KIF14: variants seen among roughly 807,000 people sequenced by gnomAD.
KIF14 encodes kinesin-like protein KIF14.
A neutral mutation model predicts 176.2 loss-of-function variants in KIF14; 98 were observed. That is an observed-to-expected ratio of 0.56 (90% CI 0.47 to 0.66). The LOEUF (loss-of-function observed/expected upper bound fraction) is 0.66, where lower values mean the gene tolerates loss of function less well. KIF14 is among the 30% of genes least tolerant of loss of function. The pLI, the probability that KIF14 is intolerant of heterozygous loss-of-function variation, is 0.00. For missense variants in KIF14, 1,751 were observed against 1,920.4 expected, an observed-to-expected ratio of 0.91 and a Z score of 1.65; for synonymous variants, 566 against 632.2, an observed-to-expected ratio of 0.90 and a Z score of 1.57.
At position 200,618,080 on chromosome 1, in the gene KIF14, G is replaced by T; in HGVS notation, c.644C>A (p.Ser215Ter). ...GGAAGCAATGGGTGGTCTATTACTTGAGTACTTAAGTGCAACATTTTCATT... is the reference window on the plus strand; with the variant it reads ...GGAAGCAATGGGTGGTCTATTACTTTAGTACTTAAGTGCAACATTTTCATT... ...RANENVALKY[S>*]SNRPPIASLS... The change falls in exon 2 of 30, where the codon TCA becomes TAA. Residue 215 changes from serine (S) to a stop codon, truncating the protein, a stop_gained. Coordinates refer to ENST00000367350, the MANE Select transcript of KIF14 (RefSeq NM_014875.3). LOFTEE classifies it high-confidence loss of function. 6.2e-7 allele frequency: 1 copy of T among 1,614,088 alleles called. No homozygotes were observed. Among genetic ancestry groups the T allele is most frequent in the Non-Finnish European group, 8.5e-7 (1 of 1,179,996 alleles).
chr1:200,604,062 T>A, intron 8 of KIF14, 107 bp from the exon 9 acceptor site: 1 of 677,266 alleles, frequency 1.5e-6, no homozygotes, highest in South Asian at 1.7e-5. Flanking sequence ...TTTTATTTTT[T>A]AAATAGTCTC....
chr1:200,619,455 C>A (rs978367879), intron 1 of KIF14, among the ~76,000 whole-genome samples: 1 of 152,148 alleles, frequency 6.6e-6, no homozygotes, highest in Non-Finnish European at 1.5e-5. Context: ...TGTATTCAAG[C>A]AAATCTCCTG....
At chr1:200,588,588 G>A (rs1658882935) in intron 18 of KIF14, among the ~76,000 whole-genome samples, 1 of 152,146 alleles carries the variant, frequency 6.6e-6, no homozygotes, top group Admixed American at 6.5e-5. Context: ...GATGTTGCTG[G>A]TCTAGGGACC....
intron 6 of KIF14, among the ~76,000 whole-genome samples, chr1:200,606,299 G>A (rs1659876574): frequency 6.6e-6 from 1 of 152,014 alleles, no homozygotes; most frequent in Non-Finnish European, 1.5e-5. Context: ...TTTCCTTTAA[G>A]AAAGCATTTG....
chr1:200,614,790 CAAAAAAAAAAAAAA>C (rs67447333), intron 3 of KIF14, among the ~76,000 whole-genome samples: 7 of 74,862 alleles, frequency 9.4e-5, no homozygotes, highest in South Asian at 6.6e-4. Context: ...AACCTTGCTA[CAAAAAAAAAAAAAA>C]AAAAAAAAAA....
intron 18 of KIF14, 151 bp downstream of exon 18, chr1:200,589,066 T>C: frequency 1.7e-6 from 1 of 595,982 alleles, no homozygotes; most frequent in Non-Finnish European, 2.9e-6. Context: ...TACCAGGATA[T>C]AAGCTTTCAG....
chr1:200,617,777 CTTTG>C lies in KIF14; in HGVS notation c.943_946del (p.Gln315AspfsTer26). On this transcript the variant is annotated frameshift_variant, in exon 2 of 30. Transcript: ENST00000367350. LOFTEE classifies it high-confidence loss of function. ...ATTTGCAAGAAAGGAACTTTTTGGT[CTTTG>C]TTTAACTTGAAGGTTAGACATTCTA... 6.2e-7 allele frequency: 1 copy of C among 1,614,062 alleles called. No homozygotes were observed. The highest frequency in any genetic ancestry group is 8.5e-7 in the Non-Finnish European group (1 of 1,179,992).
chr1:200,561,247 A>T (rs1657135503), intron 25 of KIF14, among the ~76,000 whole-genome samples: 1 of 150,342 alleles, frequency 6.7e-6, no homozygotes, highest in African/African-American at 2.5e-5. Flanking sequence ...AAAAAAAAGA[A>T]AAAGAAAAAT....
intron 5 of KIF14, among the ~76,000 whole-genome samples, chr1:200,607,185 G>A (rs899397959): frequency 3.3e-5 from 5 of 151,910 alleles, no homozygotes; most frequent in Admixed American, 1.3e-4. Context: ...TGTGGCCCAG[G>A]CTGGAGTACA....
chr1:200,566,454 G>C (rs925685567), intron 23 of KIF14, among the ~76,000 whole-genome samples: 2 of 151,762 alleles, frequency 1.3e-5, no homozygotes, highest in African/African-American at 2.4e-5. Context: ...TTAGCTGGGC[G>C]TGGTGGCACA....
intron 5 of KIF14, among the ~76,000 whole-genome samples, chr1:200,608,501 T>A (rs1482090256): frequency 6.6e-6 from 1 of 151,990 alleles, no homozygotes; most frequent in African/African-American, 2.4e-5. Context: ...AAGCTGGGAC[T>A]ATAGGTGCAA....
intron 26 of KIF14, among the ~76,000 whole-genome samples, chr1:200,560,261 T>C (rs569609787): frequency 1.5e-5 from 2 of 134,510 alleles, no homozygotes; most frequent in East Asian, 4.7e-4. Context: ...AAAAGTTTTT[T>C]GGTTGTTTGG....
intron 16 of KIF14, among the ~76,000 whole-genome samples, chr1:200,591,650 G>A (rs1307775259): frequency 6.6e-6 from 1 of 152,130 alleles, no homozygotes; most frequent in Non-Finnish European, 1.5e-5. Context: ...TCTTCCTCTG[G>A]CTAAATTCTA....
rs997644095 is a variant in KIF14, at chr1:200,553,331, C to A, written c.*57G>T. 1.3e-6 allele frequency: 2 copies of A among 1,497,534 alleles called. No homozygotes were observed. Among genetic ancestry groups the A allele is most frequent in the Non-Finnish European group, 1.8e-6 (2 of 1,119,738 alleles). 92.8% of individuals were successfully genotyped at this position (1,497,534 alleles called of 1,614,324 possible). ...AACTCTCCTGCATAAAGAAAATTAC[C>A]GAGCAAGTGTTCTTTTTCTTTCATG... On this transcript the variant is annotated 3_prime_UTR_variant, in exon 30 of 30. Coordinates refer to ENST00000367350, the MANE Select transcript of KIF14 (RefSeq NM_014875.3).
Position 200,570,549 on chromosome 1 carries a change from G to A in KIF14, c.3567-544C>T, listed in dbSNP as rs1308861057. Among the ~76,000 whole-genome samples the A allele has an allele frequency of 3.3e-5, 5 of 152,102 alleles. No individual in the cohort carries two copies. The East Asian group carries it at 5.8e-4, about 18-fold the overall frequency. The stretch of plus-strand genomic sequence containing the variant: ...TGATAAATGAAAGTAGTGTACATGC[G>A]AAGAACCAAACGAGGTTCAGAAGGA... On this transcript the variant is annotated intron_variant, in intron 22 of 29. Transcript: ENST00000367350.
intron 19 of KIF14, among the ~76,000 whole-genome samples, chr1:200,584,932 C>T (rs1428682664): frequency 6.6e-6 from 1 of 152,140 alleles, no homozygotes; most frequent in African/African-American, 2.4e-5. Context: ...ACGACATGAT[C>T]TTATATATAG....
chr1:200,592,631 C>G (rs1057054418), intron 15 of KIF14, among the ~76,000 whole-genome samples: 5 of 152,186 alleles, frequency 3.3e-5, no homozygotes, highest in Non-Finnish European at 5.9e-5. Context: ...ACCTTGGCCT[C>G]CCAACGTTTA....
At chr1:200,598,464 GA>G in intron 13 of KIF14, 43 bp from the exon 14 acceptor site, 1 of 1,490,846 alleles carries the variant, frequency 6.7e-7, no homozygotes, top group South Asian at 1.2e-5. Context: ...ATCACAGTAT[GA>G]AATTGTTAAA....
At chr1:200,569,429 G>A (rs1657657925) in intron 23 of KIF14, among the ~76,000 whole-genome samples, 1 of 151,946 alleles carries the variant, frequency 6.6e-6, no homozygotes, top group Non-Finnish European at 1.5e-5. Flanking sequence ...AAATTCAGAA[G>A]AAACCAAAGG....
Sources: gnomAD v4.1 joint callset for allele counts (sites outside exome capture counted in the v4.1 genomes callset) on GRCh38, gnomAD v4.1.1 for gene constraint, MANE v1.5 for transcripts, NCBI Gene and HGNC (gene_info 2026-07-23, HGNC 2026-07-21) for gene names.